The following WDR70 variants were observed in gnomAD, a reference collection of about 807,000 sequenced individuals.
The protein encoded by WDR70 is WD repeat domain 70, also known as WD repeat-containing protein 70.
In WDR70, 53 loss-of-function variants were observed where a neutral mutation model predicts 88.6. The observed-to-expected ratio is 0.60, with a 90% CI of 0.48 to 0.75. WDR70 has a LOEUF of 0.75. WDR70 is among the 30% of genes least tolerant of loss of function. The probability of loss-of-function intolerance (pLI) is 0.00; values close to 1 mark genes in which losing one functional copy is unlikely to be tolerated. For synonymous variants in WDR70, 280 were observed against 270.0 expected (o/e 1.04, Z -0.36); for missense variants, 610 against 823.2 (o/e 0.74, Z 3.17).
At chr5:37,477,059 T>A (rs1391686062) in intron 7 of WDR70, among the ~76,000 whole-genome samples, 1 of 152,262 alleles carries the variant, frequency 6.6e-6, no homozygotes, top group South Asian at 2.1e-4. Context: ...CTTTTACATA[T>A]TGGTATATGC....
chr5:37,451,842 A>G (rs1738687089), intron 7 of WDR70, among the ~76,000 whole-genome samples: 1 of 152,104 alleles, frequency 6.6e-6, no homozygotes, highest in Admixed American at 6.6e-5. Flanking sequence ...AAAAATACAG[A>G]AATTAGCTGG....
At chr5:37,532,941 T>C (rs919918098) in intron 9 of WDR70, among the ~76,000 whole-genome samples, 11 of 152,154 alleles carry the variant, frequency 7.2e-5, no homozygotes, top group Admixed American at 5.9e-4. Context: ...GATTCTTCTG[T>C]CCCATGGGGT....
rs546042345 is a variant in WDR70 at position 37,692,131 on chromosome 5, A to C, written c.1093-5524A>C. Among the ~76,000 whole-genome samples, 7 of 152,306 alleles carry C rather than the reference A, an allele frequency of 4.6e-5. No individual in the cohort carries two copies. In the South Asian group the frequency reaches 1.4e-3, roughly 32 times the overall value. ...AAGAAATGGATAAATTCCTGGACACATACACCACCCCCCACCCCTCGCAAG... is the reference window on the plus strand; with the variant it reads ...AAGAAATGGATAAATTCCTGGACACCTACACCACCCCCCACCCCTCGCAAG... On this transcript the variant is annotated intron_variant, in intron 10 of 17. Transcript: ENST00000265107.
chr5:37,579,368 G>A (rs1743153794), intron 9 of WDR70, among the ~76,000 whole-genome samples: 1 of 151,918 alleles, frequency 6.6e-6, no homozygotes, highest in South Asian at 2.1e-4. Context: ...GGTGGATCAT[G>A]AGGTCAAGAG....
chr5:37,519,364 C>T (rs945566897), intron 9 of WDR70, among the ~76,000 whole-genome samples: 5 of 147,290 alleles, frequency 3.4e-5, no homozygotes, highest in South Asian at 4.4e-4. Flanking sequence ...TGGGCAGAGA[C>T]GCTCCTCACT....
At chr5:37,536,797 AT>A (rs555419451) in intron 9 of WDR70, among the ~76,000 whole-genome samples, 21 of 152,212 alleles carry the variant, frequency 1.4e-4, no homozygotes, top group Admixed American at 1.4e-3. Context: ...CTATTTAGGA[AT>A]TTTGTATTTT....
At chr5:37,414,932 T>TTCCGGCCC (rs1749653017) in intron 5 of WDR70, among the ~76,000 whole-genome samples, 1 of 146,388 alleles carries the variant, frequency 6.8e-6, no homozygotes, top group African/African-American at 2.8e-5. Context: ...CCCTGCGGCC[T>TTCCGGCCC]TCCGCAGTGT....
In WDR70 at chr5:37,437,941, C is replaced by G; in HGVS notation, c.512C>G (p.Pro171Arg). The G allele has an allele frequency of 6.2e-7, 1 of 1,609,338 alleles. No individual in the cohort carries two copies. Among genetic ancestry groups the G allele is most frequent in the Non-Finnish European group, 8.5e-7 (1 of 1,177,696 alleles). ...TTTCAGAATCCTGTTCACAAGATTC[C>G]TGACTCGCATGAGATAACGCTGAAG... ...EEEENPVHKI[P>R]DSHEITLKHG... The change falls in exon 6 of 18, where the codon CCT becomes CGT. Residue 171 changes from proline (P) to arginine (R), a missense_variant. By Grantham distance (103) the Pro-to-Arg change is moderately radical (BLOSUM62 -2). Coordinates refer to ENST00000265107, the MANE Select transcript of WDR70 (RefSeq NM_018034.4).
intron 3 of WDR70, among the ~76,000 whole-genome samples, chr5:37,384,430 AG>A (rs923204391): frequency 5.9e-5 from 9 of 151,392 alleles, no homozygotes; most frequent in African/African-American, 2.2e-4. Flanking sequence ...GCACTTTGGG[AG>A]GGGCGGATCA....
At chr5:37,452,287 T>C (rs935121410) in intron 7 of WDR70, among the ~76,000 whole-genome samples, 9 of 149,884 alleles carry the variant, frequency 6.0e-5, no homozygotes, top group African/African-American at 2.2e-4. Flanking sequence ...TTTTTTGAGA[T>C]GGAGTCTGTC....
chr5:37,649,733 CTTTTT>C (rs70978834), intron 10 of WDR70, among the ~76,000 whole-genome samples: 10 of 68,738 alleles, frequency 1.5e-4, no homozygotes, highest in South Asian at 6.6e-4. Flanking sequence ...GTTATTACTT[CTTTTT>C]TTTTTTTTTT....
intron 5 of WDR70, among the ~76,000 whole-genome samples, chr5:37,417,388 C>T (rs1156729220): frequency 6.6e-6 from 1 of 151,984 alleles, no homozygotes; most frequent in Non-Finnish European, 1.5e-5. Context: ...CCATGCCCGG[C>T]TAATTTTTCT....
At chr5:37,541,950 A>G (rs1386542383) in intron 9 of WDR70, among the ~76,000 whole-genome samples, 1 of 152,252 alleles carries the variant, frequency 6.6e-6, no homozygotes, top group Non-Finnish European at 1.5e-5. Context: ...TACTGGGAGC[A>G]TAGAGGAAGG....
rs545335985 is a variant in WDR70, at chr5:37,473,490, G to C, written c.687-6344G>C. Among the ~76,000 whole-genome samples the C allele has an allele frequency of 2.0e-5, 3 of 151,882 alleles. No homozygotes were observed. In the South Asian group the frequency reaches 6.2e-4, roughly 32 times the overall value. On this transcript the variant is annotated intron_variant, in intron 7 of 17. Coordinates refer to ENST00000265107, the MANE Select transcript of WDR70 (RefSeq NM_018034.4). ...TCCTGAGTAGCTGGATTACAGGTGT[G>C]TGCCATCACGCTCAGCTAATTTCTT...
At chr5:37,618,454 C>T (rs762366183) in intron 10 of WDR70, among the ~76,000 whole-genome samples, 7 of 152,084 alleles carry the variant, frequency 4.6e-5, no homozygotes, top group South Asian at 4.1e-4. Flanking sequence ...CTGCAACCTC[C>T]GCCTCTGGGG....
chr5:37,687,896 C>T (rs528233715), intron 10 of WDR70: 14 of 673,562 alleles, frequency 2.1e-5, no homozygotes, highest in African/African-American at 1.2e-4. Context: ...AATACCATCT[C>T]TTTTCTTCTC....
chr5:37,730,562 G>T (rs186224421), intron 17 of WDR70, among the ~76,000 whole-genome samples: 3 of 152,142 alleles, frequency 2.0e-5, no homozygotes, highest in Admixed American at 6.5e-5. Flanking sequence ...GTACTCCGTT[G>T]TACGAATTTA....
intron 10 of WDR70, among the ~76,000 whole-genome samples, chr5:37,628,060 G>C (rs921676833): frequency 6.6e-6 from 1 of 152,108 alleles, no homozygotes; most frequent in African/African-American, 2.4e-5. Context: ...TAGTAGCTAG[G>C]ACTATAGGCA....
intron 10 of WDR70, among the ~76,000 whole-genome samples, chr5:37,629,055 G>C (rs1471925580): frequency 1.3e-5 from 2 of 152,082 alleles, no homozygotes; most frequent in African/African-American, 2.4e-5. Flanking sequence ...AATATTTTTA[G>C]CTAGCAGGGT....
Sources: gnomAD v4.1 joint callset for allele counts (sites outside exome capture counted in the v4.1 genomes callset) on GRCh38, gnomAD v4.1.1 for gene constraint, MANE v1.5 for transcripts, NCBI Gene and HGNC (gene_info 2026-07-23, HGNC 2026-07-21) for gene names.